Variants in LYSMD2 observed in about 807,000 individuals in gnomAD.
LYSMD2 encodes the protein lysM and putative peptidoglycan-binding domain-containing protein 2.
Under a neutral mutation model 17.7 loss-of-function variants are expected in LYSMD2, and 6 were observed. That is an observed-to-expected ratio of 0.34 (90% CI 0.19 to 0.67). LYSMD2 has a LOEUF of 0.67. Among genes scored for constraint, LYSMD2 ranks in the 30% least tolerant of loss-of-function variants. LYSMD2 has a pLI of 0.69. For synonymous variants in LYSMD2, 102 were observed against 129.8 expected, an observed-to-expected ratio of 0.79 and a Z score of 1.45; for missense variants, 237 against 286.7, an observed-to-expected ratio of 0.83 and a Z score of 1.25.
Position 51,737,559 on chromosome 15 carries a change from CCGAGGG to C in LYSMD2, c.58_63del (p.Pro20_Ser21del). Reference sequence around the variant, plus strand: ...CGCGAGCGCGGCGGCGGCGAGGGGGCCGAGGGCCGCGGCGCGCGGGGGCCGCCTTCC... The same window carrying C: ...CGCGAGCGCGGCGGCGGCGAGGGGGCCCGCGGCGCGCGGGGGCCGCCTTCC... On this transcript the variant is annotated inframe_deletion, in exon 1 of 3. Transcript: ENST00000267838. The surrounding 1 kb of genome is among the most constrained non-coding windows in gnomAD (Gnocchi z 4.2). 8.2e-7 allele frequency: 1 copy of C among 1,222,756 alleles called. No homozygotes were observed. Among genetic ancestry groups the C allele is most frequent in the Non-Finnish European group, 1.0e-6 (1 of 984,312 alleles). 75.7% of individuals were successfully genotyped at this position (1,222,756 alleles called of 1,614,324 possible).
intron 1 of LYSMD2, among the ~76,000 whole-genome samples, chr15:51,742,782 AT>A (rs1263649624): frequency 6.6e-6 from 1 of 151,978 alleles, no homozygotes; most frequent in Non-Finnish European, 1.5e-5. Flanking sequence ...AAATAGTCAT[AT>A]TTTTTGGTCT....
intron 1 of LYSMD2, among the ~76,000 whole-genome samples, chr15:51,749,224 A>G (rs760353839): frequency 1.3e-5 from 2 of 152,262 alleles, no homozygotes; most frequent in African/African-American, 4.8e-5. Flanking sequence ...AGACATAGGC[A>G]ATAGATTTAA....
intron 1 of LYSMD2, among the ~76,000 whole-genome samples, chr15:51,727,365 AG>A (rs2055546696): frequency 6.6e-6 from 1 of 152,192 alleles, no homozygotes; most frequent in Non-Finnish European, 1.5e-5. Flanking sequence ...AGTTCCTATC[AG>A]GAGTCCCAGA....
chr15:51,725,102 G>A lies in LYSMD2; in HGVS notation c.293C>T (p.Ala98Val). The A allele has an allele frequency of 6.2e-7, 1 of 1,603,878 alleles. No individual in the cohort carries two copies. Among genetic ancestry groups the A allele is most frequent in the South Asian group, 1.1e-5 (1 of 90,310 alleles). Residue 98 changes from alanine (A) to valine (V), a missense_variant, in exon 2 of 3, where the codon GCC becomes GTC. Ala to Val is a moderately conservative substitution (Grantham distance 64). Transcript: ENST00000267838. ...ACAATCATTGGTAAACAGTTTATTG[G>A]CCCTTTTAATCTGTTCCATCTAAAA... is the stretch of plus-strand genomic sequence containing the variant. ...YGVTMEQIKR[A>V]NKLFTNDCIF...
At position 51,746,878 on chromosome 15, in the gene LYSMD2, T is replaced by A. The variant is rs115923569; in HGVS notation, c.-1+4393A>T. Among the ~76,000 whole-genome samples, 1,448 of 151,990 alleles carry A rather than the reference T, an allele frequency of 9.5e-3. 32 individuals carry two copies. The highest frequency in any genetic ancestry group is 0.076 in the East Asian group (392 of 5,180). The stretch of plus-strand genomic sequence containing the variant: ...ATGATACTGTTGTCACATCAAAAAA[T>A]TTTTTAAAATAACACCTTAGTCCAG... On this transcript the variant is annotated intron_variant, in intron 1 of 2. Coordinates refer to the LYSMD2 transcript ENST00000454181.
chr15:51,742,804 T>C (rs1226484852), intron 1 of LYSMD2, among the ~76,000 whole-genome samples: 2 of 151,988 alleles, frequency 1.3e-5, no homozygotes, highest in Non-Finnish European at 2.9e-5. Context: ...CTAAAAAAAA[T>C]AGAAAGACGT....
intron 1 of LYSMD2, among the ~76,000 whole-genome samples, chr15:51,725,474 A>AT (rs920938203): frequency 2.6e-5 from 4 of 151,958 alleles, no homozygotes; most frequent in Non-Finnish European, 4.4e-5. Flanking sequence ...CTATTATCTG[A>AT]TTTTTTTTAA....
upstream of LYSMD2, among the ~76,000 whole-genome samples, chr15:51,742,301 A>G (rs542503241): frequency 6.6e-6 from 1 of 152,272 alleles, no homozygotes; most frequent in East Asian, 1.9e-4. Context: ...CGGCCTCCCA[A>G]AGTGCTGGGA....
chr15:51,724,919 G>T lies in LYSMD2; in HGVS notation c.476C>A (p.Pro159His), dbSNP rs763049824. ...PVVAGEDLPP[P>H]SPQESDVQPV... ...CTGAACATCAGATTCTTGAGGACTG[G>T]GAGGAGGGAGGTCTTCCCCGGCCAC... Residue 159 changes from proline to histidine, a missense_variant, in exon 2 of 3, where the codon CCC becomes CAC. By Grantham distance (77) the Pro-to-His change is moderately conservative. Coordinates refer to ENST00000267838, the MANE Select transcript of LYSMD2 (RefSeq NM_153374.3). 23 of 1,613,982 alleles carry T rather than the reference G, an allele frequency of 1.4e-5. No homozygotes were observed. The Admixed American group carries it at 3.7e-4, about 26-fold the overall frequency.
upstream of LYSMD2, chr15:51,737,891 A>G: frequency 4.0e-6 from 1 of 251,602 alleles, no homozygotes; most frequent in Non-Finnish European, 7.5e-6. The surrounding 1 kb of genome is among the most constrained non-coding windows in gnomAD (Gnocchi z 4.2). Flanking sequence ...CGGTACCGGG[A>G]AGACCCTGCA....
At chr15:51,739,278 T>C (rs1204136577), upstream of LYSMD2, among the ~76,000 whole-genome samples, 3 of 152,194 alleles carry the variant, frequency 2.0e-5, no homozygotes, top group African/African-American at 4.8e-5. Flanking sequence ...TACGTGCTCC[T>C]GGGAGGCATA....
chr15:51,737,431 G>A lies in LYSMD2; in HGVS notation c.192C>T (p.Ala64=). The change falls in exon 1 of 3, where the codon GCC becomes GCT. Residue 64 remains alanine (A), a synonymous_variant. Coordinates refer to ENST00000267838, the MANE Select transcript of LYSMD2 (RefSeq NM_153374.3). This position sits in a 1 kb window ranked among gnomAD's most constrained non-coding sequence, Gnocchi z 4.2. ...GCTCCACATGGCGCTCGATGACGCC[G>A]GCGCCCAGCGGCGCCCGCACGCTGG... ...STASVRAPLG[A]GVIERHVEHR... 2.1e-6 allele frequency: 3 copies of A among 1,433,654 alleles called. No homozygotes were observed. Among genetic ancestry groups the A allele is most frequent in the African/African-American group, 1.5e-5 (1 of 67,106 alleles). 88.8% of individuals were successfully genotyped at this position (1,433,654 alleles called of 1,614,324 possible).
chr15:51,727,055 C>G (rs2055544566), intron 1 of LYSMD2, among the ~76,000 whole-genome samples: 1 of 152,016 alleles, frequency 6.6e-6, no homozygotes, highest in Non-Finnish European at 1.5e-5. Context: ...GATGGATGGA[C>G]AGGTGGATGG....
chr15:51,725,205 T>C (rs1595847368), intron 1 of LYSMD2, 84 bp from the exon 2 acceptor site: 1 of 832,826 alleles, frequency 1.2e-6, no homozygotes, highest in Non-Finnish European at 1.8e-6. Flanking sequence ...ACTACCAATA[T>C]TCATAAGCAA....
rs2055616031 is a variant in LYSMD2, at chr15:51,737,257, C to T, written c.273+93G>A. 1 of 335,084 alleles carries T rather than the reference C, an allele frequency of 3.0e-6. No homozygotes were observed. Among genetic ancestry groups the T allele is most frequent in the Non-Finnish European group, 4.8e-6 (1 of 209,138 alleles). 20.8% of individuals were successfully genotyped at this position (335,084 alleles called of 1,614,324 possible). On this transcript the variant is annotated intron_variant, in intron 1 of 2. Coordinates refer to ENST00000267838, the MANE Select transcript of LYSMD2 (RefSeq NM_153374.3). The surrounding 1 kb of genome is among the most constrained non-coding windows in gnomAD (Gnocchi z 4.2). ...ACTCCCCATCCCCCAAACCCCCACC[C>T]GCAGTCCCACCCCCACCCCCACCGC...
chr15:51,746,373 C>T (rs985608452), intron 1 of LYSMD2, among the ~76,000 whole-genome samples: 1 of 152,150 alleles, frequency 6.6e-6, no homozygotes, highest in Non-Finnish European at 1.5e-5. Flanking sequence ...TTGTATGATT[C>T]CATTTACGTG....
chr15:51,739,604 AG>A (rs2055633256), upstream of LYSMD2, among the ~76,000 whole-genome samples: 1 of 152,124 alleles, frequency 6.6e-6, no homozygotes, highest in Non-Finnish European at 1.5e-5. Flanking sequence ...TTTTCCACTA[AG>A]AAAAAGTTTA....
chr15:51,731,709 T>C (rs2055578086), intron 1 of LYSMD2, among the ~76,000 whole-genome samples: 1 of 152,132 alleles, frequency 6.6e-6, no homozygotes, highest in Non-Finnish European at 1.5e-5. Flanking sequence ...CTGCCTCCTT[T>C]CCACTTTCAG....
chr15:51,731,115 A>T (rs1041609886), intron 1 of LYSMD2, among the ~76,000 whole-genome samples: 5 of 152,228 alleles, frequency 3.3e-5, no homozygotes, highest in Non-Finnish European at 5.9e-5. Context: ...GGGCATGGGG[A>T]TCTTTTCGGG....
Sources: allele counts gnomAD v4.1 joint callset (sites outside exome capture counted in the v4.1 genomes callset), GRCh38; gene constraint gnomAD v4.1.1; non-coding constraint Gnocchi (gnomAD v3.1); transcripts MANE v1.5; gene names NCBI Gene and HGNC (gene_info 2026-07-23, HGNC 2026-07-21).